CUL1: variants seen among roughly 807,000 people sequenced by gnomAD.
The protein encoded by CUL1 is cullin-1.
A neutral mutation model predicts 118.0 loss-of-function variants in CUL1; 24 were observed. The observed-to-expected ratio is 0.20, with a 90% CI of 0.15 to 0.29. CUL1 has a LOEUF of 0.29. Ranked by LOEUF, CUL1 falls within the 10% of genes least tolerant of loss-of-function variation. The pLI is 1.00. For missense variants in CUL1, 361 were observed against 933.8 expected, an observed-to-expected ratio of 0.39 and a Z score of 7.99; for synonymous variants, 332 against 340.4, an observed-to-expected ratio of 0.98 and a Z score of 0.27.
At chr7:148,754,466 T>C (rs1799594276) in intron 3 of CUL1, among the ~76,000 whole-genome samples, 1 of 152,182 alleles carries the variant, frequency 6.6e-6, no homozygotes, top group South Asian at 2.1e-4. Context: ...CTCACCACCG[T>C]GCCCAGCTCT....
At chr7:148,735,443 G>A (rs1001158874) in intron 2 of CUL1, among the ~76,000 whole-genome samples, 2 of 152,244 alleles carry the variant, frequency 1.3e-5, no homozygotes, top group South Asian at 2.1e-4. Flanking sequence ...CTGCAGGGGA[G>A]TGCTCAGGTG....
In CUL1 at chr7:148,797,868, G is replaced by A. The variant is rs1801259230; in HGVS notation, c.1947+9G>A. The A allele has an allele frequency of 6.2e-7, 1 of 1,613,166 alleles. No homozygotes were observed. The highest frequency in any genetic ancestry group is 8.5e-7 in the Non-Finnish European group (1 of 1,179,392). On this transcript the variant is annotated intron_variant, in intron 18 of 21. Coordinates refer to ENST00000325222, the MANE Select transcript of CUL1 (RefSeq NM_003592.3). ...TAAAGTCGAAGCTATTGGTAGGTTTGCGCCCTTTTATCTTACACTAGAAGA... is the reference window on the plus strand; with the variant it reads ...TAAAGTCGAAGCTATTGGTAGGTTTACGCCCTTTTATCTTACACTAGAAGA...
chr7:148,744,891 T>C lies in CUL1; in HGVS notation c.141-9085T>C, dbSNP rs138898074. 5.5e-4 allele frequency among the ~76,000 whole-genome samples: 84 copies of C among 152,328 alleles called. 1 individual carries two copies. The highest frequency in any genetic ancestry group is 1.9e-3 in the African/African-American group (79 of 41,584). ...TAGAACTACAATTACTTTTTTTCTT[T>C]CAGCATTTTTTTTTCTTTCACCACT... On this transcript the variant is annotated intron_variant, in intron 2 of 21. Coordinates refer to ENST00000325222, the MANE Select transcript of CUL1 (RefSeq NM_003592.3).
Position 148,754,169 on chromosome 7 carries a change from A to C in CUL1, c.315+19A>C, listed in dbSNP as rs1340283127. 3 of 1,451,176 alleles carry C rather than the reference A, an allele frequency of 2.1e-6. No homozygotes were observed. The allele number at this position is 1,451,176 out of a possible 1,614,324, so 89.9% of individuals were successfully genotyped here. A position where few individuals can be genotyped will look rare whatever the true frequency, so the allele number is the denominator to read the frequency against. ...TCTTAAGGTAAGATGTTTTATATAT[A>C]TACTGAGTATTCATAACAGGATATA... On this transcript the variant is annotated intron_variant, in intron 3 of 21. Transcript: ENST00000325222.
chr7:148,774,806 T>C (rs756573578), intron 9 of CUL1, among the ~76,000 whole-genome samples: 4 of 152,198 alleles, frequency 2.6e-5, no homozygotes, highest in Non-Finnish European at 4.4e-5. Context: ...AGACACTGAC[T>C]GGGGAGAAAT....
At chr7:148,767,121 A>G (rs1800033240) in intron 8 of CUL1, among the ~76,000 whole-genome samples, 1 of 152,218 alleles carries the variant, frequency 6.6e-6, no homozygotes, top group South Asian at 2.1e-4. Context: ...TGGTCCTCCT[A>G]AAGTAACCAC....
chr7:148,709,080 G>A (rs2129458979), intron 1 of CUL1, among the ~76,000 whole-genome samples: 1 of 152,278 alleles, frequency 6.6e-6, no homozygotes, highest in South Asian at 2.1e-4. Context: ...CTAGGATAGT[G>A]ATTCCCTTAA....
At chr7:148,699,956 G>A (rs953120880) in intron 1 of CUL1, among the ~76,000 whole-genome samples, 4 of 151,342 alleles carry the variant, frequency 2.6e-5, no homozygotes, top group Non-Finnish European at 4.4e-5. Flanking sequence ...TCTGCCACCC[G>A]TGCAGTATTG....
chr7:148,737,686 C>T (rs996684421), intron 2 of CUL1, among the ~76,000 whole-genome samples: 24 of 151,562 alleles, frequency 1.6e-4, no homozygotes, highest in Admixed American at 1.2e-3. Flanking sequence ...TTGCAACCTC[C>T]GCCTCCTGGG....
At chr7:148,698,086 A>G (rs1269082826), upstream of CUL1, 1 of 152,212 alleles carries the variant, frequency 6.6e-6, no homozygotes, top group Non-Finnish European at 1.5e-5. Flanking sequence ...GTGATTTTTA[A>G]AACGAAACAC....
intron 1 of CUL1, among the ~76,000 whole-genome samples, chr7:148,703,086 C>G (rs1221396428): frequency 1.3e-5 from 2 of 152,162 alleles, no homozygotes; most frequent in African/African-American, 4.8e-5. Context: ...CTCCGGAGCT[C>G]AGGCTTTTAA....
At chr7:148,751,602 T>G (rs187084046) in intron 2 of CUL1, among the ~76,000 whole-genome samples, 1 of 151,604 alleles carries the variant, frequency 6.6e-6, no homozygotes, top group African/African-American at 2.4e-5. Flanking sequence ...CCAAGAAACT[T>G]GTACTCAAGG....
intron 7 of CUL1, among the ~76,000 whole-genome samples, chr7:148,763,764 T>TC (rs1799915141): frequency 1.3e-5 from 2 of 152,268 alleles, no homozygotes; most frequent in South Asian, 4.1e-4. Context: ...GGGTGGCAAA[T>TC]CTTACTCAAT....
chr7:148,791,274 G>A (rs1800998982), intron 16 of CUL1, among the ~76,000 whole-genome samples: 1 of 152,224 alleles, frequency 6.6e-6, no homozygotes, highest in African/African-American at 2.4e-5. Context: ...TCACCAGTGA[G>A]TTTCTAAGAA....
rs559217219 is a variant in CUL1 at position 148,794,014 on chromosome 7, T to G, written c.1899+1196T>G. 1.1e-4 allele frequency among the ~76,000 whole-genome samples: 16 copies of G among 152,308 alleles called. No homozygotes were observed. The South Asian group carries it at 3.3e-3, about 32-fold the overall frequency. ...TAACAACTAATGATGTGTAGAATCT[T>G]TTTTGTGTTTATTGCCATTTGTATA... On this transcript the variant is annotated intron_variant, in intron 17 of 21. Coordinates refer to ENST00000325222, the MANE Select transcript of CUL1 (RefSeq NM_003592.3).
At chr7:148,761,704 C>A (rs771325181) in intron 7 of CUL1, among the ~76,000 whole-genome samples, 1 of 152,184 alleles carries the variant, frequency 6.6e-6, no homozygotes, top group African/African-American at 2.4e-5. Context: ...ATGTACACAA[C>A]TGAGTGTGGC....
chr7:148,709,231 A>G (rs1025185805), intron 1 of CUL1, among the ~76,000 whole-genome samples: 1 of 152,264 alleles, frequency 6.6e-6, no homozygotes. Flanking sequence ...AATTGAGTAC[A>G]GGCCAAACTG....
chr7:148,742,659 G>C (rs243499), intron 2 of CUL1, among the ~76,000 whole-genome samples: 1 of 146,690 alleles, frequency 6.8e-6, no homozygotes. Context: ...CTGGAGTGCA[G>C]TGCATGTTCT....
chr7:148,700,875 T>C (rs1043860430), intron 1 of CUL1, among the ~76,000 whole-genome samples: 1 of 152,198 alleles, frequency 6.6e-6, no homozygotes, highest in South Asian at 2.1e-4. Context: ...CAGGTCCTTA[T>C]AGCCAGCCCC....
Sources: gnomAD v4.1 joint callset for allele counts (sites outside exome capture counted in the v4.1 genomes callset) on GRCh38, gnomAD v4.1.1 for gene constraint, MANE v1.5 for transcripts, NCBI Gene and HGNC (gene_info 2026-07-23, HGNC 2026-07-21) for gene names.